CALN1: variants seen among roughly 807,000 people sequenced by gnomAD.
CALN1 encodes calneuron 1, also known as calcium-binding protein 8.
CALN1 carries 17 observed loss-of-function variants against 30.6 expected under a neutral mutation model. The observed-to-expected ratio is 0.56, with a 90% CI of 0.38 to 0.83. CALN1 has a LOEUF of 0.83. Ranked by LOEUF, CALN1 falls within the 40% of genes least tolerant of loss-of-function variation. CALN1 has a pLI of 0.00. For missense variants in CALN1, 291 were observed against 354.9 expected, an observed-to-expected ratio of 0.82 and a Z score of 1.45; for synonymous variants, 156 against 131.4, an observed-to-expected ratio of 1.19 and a Z score of -1.28.
At chr7:72,411,210 C>G (rs1807118042) in intron 1 of CALN1, among the ~76,000 whole-genome samples, 1 of 152,074 alleles carries the variant, frequency 6.6e-6, no homozygotes, top group Admixed American at 6.5e-5. Flanking sequence ...AGAAAATGAA[C>G]TGAAACATGC....
At chr7:71,896,755 C>T (rs1793553754) in intron 5 of CALN1, among the ~76,000 whole-genome samples, 1 of 152,158 alleles carries the variant, frequency 6.6e-6, no homozygotes, top group South Asian at 2.1e-4. Flanking sequence ...TGTTCTGAGG[C>T]AGCCAGAGAG....
rs114441805 is a variant in CALN1, at chr7:71,887,268, C to T, written c.502-76776G>A. ...AGTCAAGTGCACCAGGCACACACCA[C>T]GGATGGTTTTAGCTGGCAAGTCCAT... On this transcript the variant is annotated intron_variant, in intron 5 of 6. Transcript: ENST00000395275. Among the ~76,000 whole-genome samples the T allele has an allele frequency of 9.2e-3, 1,396 of 152,204 alleles. 20 individuals carry two copies. Among genetic ancestry groups the T allele is most frequent in the African/African-American group, 0.032 (1,315 of 41,516 alleles).
intron 2 of CALN1, among the ~76,000 whole-genome samples, chr7:72,365,007 T>C (rs1319920642): frequency 6.6e-6 from 1 of 151,516 alleles, no homozygotes; most frequent in Non-Finnish European, 1.5e-5. Context: ...CAGTCTCTAC[T>C]AAAAATATAA....
chr7:72,245,548 G>T (rs1019527058), intron 3 of CALN1, among the ~76,000 whole-genome samples: 1 of 152,014 alleles, frequency 6.6e-6, no homozygotes, highest in African/African-American at 2.4e-5. Flanking sequence ...GACCTGGGAG[G>T]CAGAGGTTGC....
At chr7:72,122,603 G>C (rs1188660117) in intron 3 of CALN1, among the ~76,000 whole-genome samples, 1 of 152,066 alleles carries the variant, frequency 6.6e-6, no homozygotes, top group Admixed American at 6.5e-5. Flanking sequence ...GCACATGCCC[G>C]AAGTCCAAGC....
chr7:71,788,126 ACTT>A (rs1167585389), intron 6 of CALN1, among the ~76,000 whole-genome samples: 1 of 152,120 alleles, frequency 6.6e-6, no homozygotes, highest in Non-Finnish European at 1.5e-5. Flanking sequence ...AAATGAGAAA[ACTT>A]CTATAACAAG....
At chr7:71,867,155 A>AG (rs1352392764) in intron 5 of CALN1, among the ~76,000 whole-genome samples, 3 of 151,322 alleles carry the variant, frequency 2.0e-5, no homozygotes, top group African/African-American at 7.3e-5. Flanking sequence ...AAAAAAAAAA[A>AG]CTAAGGACAT....
At chr7:72,348,446 G>T (rs1585554786) in intron 2 of CALN1, among the ~76,000 whole-genome samples, 1 of 152,210 alleles carries the variant, frequency 6.6e-6, no homozygotes, top group African/African-American at 2.4e-5. Flanking sequence ...TTGTGGGGCA[G>T]AGAACTGGAG....
chr7:71,972,146 G>C (rs1321536478), intron 5 of CALN1, among the ~76,000 whole-genome samples: 2 of 152,054 alleles, frequency 1.3e-5, no homozygotes, highest in Non-Finnish European at 1.5e-5. Context: ...ATACCCTCCA[G>C]ACATCTGGAC....
rs1795461377 is a variant in CALN1 at position 72,250,218 on chromosome 7, T to C, written c.244+28468A>G. On this transcript the variant is annotated intron_variant, in intron 3 of 6. Transcript: ENST00000395275. ...CTTAAAAATAAGCCTGGGATCTAAA[T>C]AAGATGATTAGGAGAGGCTGAACTG... Among the ~76,000 whole-genome samples, 2 of 152,184 alleles carry C rather than the reference T, an allele frequency of 1.3e-5. 1 individual carries two copies. The highest frequency in any genetic ancestry group is 4.1e-4 in the South Asian group (2 of 4,822).
At chr7:72,330,502 G>C (rs950947814) in intron 2 of CALN1, among the ~76,000 whole-genome samples, 3 of 147,664 alleles carry the variant, frequency 2.0e-5, no homozygotes, top group South Asian at 2.1e-4. Context: ...AGAGACCTTT[G>C]TTGGCCATCC....
chr7:71,879,127 G>A (rs973092450), intron 5 of CALN1, among the ~76,000 whole-genome samples: 15 of 152,158 alleles, frequency 9.9e-5, no homozygotes, highest in Non-Finnish European at 1.8e-4. Flanking sequence ...AAGGGACATG[G>A]ACAGACAAAA....
intron 5 of CALN1, among the ~76,000 whole-genome samples, chr7:71,953,537 T>C (rs914325418): frequency 6.6e-6 from 1 of 152,196 alleles, no homozygotes; most frequent in Non-Finnish European, 1.5e-5. Context: ...TGCTTTAATA[T>C]ACATATTCTC....
intron 4 of CALN1, among the ~76,000 whole-genome samples, chr7:72,065,711 G>T (rs1803974901): frequency 6.6e-6 from 1 of 152,044 alleles, no homozygotes; most frequent in Non-Finnish European, 1.5e-5. Flanking sequence ...GGCCAATGTG[G>T]TGAAACCCCA....
At chr7:71,983,470 TACAC>T (rs1798505785) in intron 5 of CALN1, among the ~76,000 whole-genome samples, 1 of 152,180 alleles carries the variant, frequency 6.6e-6, no homozygotes, top group African/African-American at 2.4e-5. Flanking sequence ...TGCACACACA[TACAC>T]ACAGAGGAAG....
At chr7:72,371,039 TTAAG>T (rs1192206245) in intron 2 of CALN1, among the ~76,000 whole-genome samples, 1 of 128,964 alleles carries the variant, frequency 7.8e-6, no homozygotes, top group Admixed American at 7.9e-5. Flanking sequence ...CAGAGCAAAA[TTAAG>T]TCTCAAAAAA....
intron 5 of CALN1, among the ~76,000 whole-genome samples, chr7:71,956,364 T>C (rs936646845): frequency 6.6e-6 from 1 of 152,102 alleles, no homozygotes; most frequent in Non-Finnish European, 1.5e-5. Flanking sequence ...CACATATGTA[T>C]GCTGTAGGGG....
chr7:72,215,522 A>C (rs1307376180), intron 3 of CALN1, among the ~76,000 whole-genome samples: 2 of 151,464 alleles, frequency 1.3e-5, no homozygotes, highest in African/African-American at 2.4e-5. Context: ...TGAACCCAAG[A>C]AGCAGAGGTT....
chr7:72,160,790 G>A (rs973545537), intron 3 of CALN1, among the ~76,000 whole-genome samples: 25 of 152,296 alleles, frequency 1.6e-4, no homozygotes, highest in African/African-American at 4.8e-4. Flanking sequence ...GGAGGGGCAC[G>A]CCGCTGATGG....
Sources: gnomAD v4.1 joint callset for allele counts (sites outside exome capture counted in the v4.1 genomes callset) on GRCh38, gnomAD v4.1.1 for gene constraint, MANE v1.5 for transcripts, NCBI Gene and HGNC (gene_info 2026-07-23, HGNC 2026-07-21) for gene names.